Variants in HMCN1 observed in about 807,000 individuals in gnomAD.
HMCN1 encodes the protein hemicentin 1.
A neutral mutation model predicts 625.9 loss-of-function variants in HMCN1; 321 were observed. The ratio of observed to expected loss-of-function variants is 0.51; its 90% confidence interval spans 0.47 to 0.56. HMCN1 has a LOEUF of 0.56. Among genes scored for constraint, HMCN1 ranks in the 20% least tolerant of loss-of-function variants. The probability of loss-of-function intolerance (pLI) is 0.00; values close to 1 mark genes in which losing one functional copy is unlikely to be tolerated. For missense variants in HMCN1, 6,588 were observed against 6,887.3 expected, an observed-to-expected ratio of 0.96 and a Z score of 1.54; for synonymous variants, 2,425 against 2,417.6, an observed-to-expected ratio of 1.00 and a Z score of -0.09.
intron 30 of HMCN1, among the ~76,000 whole-genome samples, chr1:186,010,350 T>A (rs1407015357): frequency 6.6e-6 from 1 of 152,204 alleles, no homozygotes; most frequent in Non-Finnish European, 1.5e-5. Flanking sequence ...TGAATTAAAA[T>A]GGAAGAGGAA....
chr1:185,741,794 G>A (rs545885889), intron 1 of HMCN1, among the ~76,000 whole-genome samples: 65 of 152,332 alleles, frequency 4.3e-4, no homozygotes, highest in African/African-American at 1.4e-3. Context: ...TTTCACGGAG[G>A]AGATGGGAGT....
rs185108697 is a variant in HMCN1 at position 186,038,414 on chromosome 1, C to T, written c.5851+379C>T. On this transcript the variant is annotated intron_variant, in intron 37 of 106. Coordinates refer to ENST00000271588, the MANE Select transcript of HMCN1 (RefSeq NM_031935.3). The stretch of plus-strand genomic sequence containing the variant: ...AGACTACAACTTTGTTTTGTATATT[C>T]CCACCACTGGTAGATTATTCATATG... 5.6e-3 allele frequency among the ~76,000 whole-genome samples: 853 copies of T among 152,106 alleles called. 2 individuals are homozygous for T. The highest frequency in any genetic ancestry group is 9.4e-3 in the Non-Finnish European group (638 of 67,988).
intron 1 of HMCN1, among the ~76,000 whole-genome samples, chr1:185,775,752 A>T (rs1385381443): frequency 1.3e-5 from 2 of 152,220 alleles, no homozygotes; most frequent in African/African-American, 4.8e-5. Context: ...CCACTGACTA[A>T]GTATGTGCTT....
chr1:185,947,677 G>A (rs952834000), intron 11 of HMCN1, among the ~76,000 whole-genome samples: 8 of 152,020 alleles, frequency 5.3e-5, no homozygotes, highest in African/African-American at 1.7e-4. Flanking sequence ...TGTTTATTTT[G>A]GTTTGTTTGG....
intron 64 of HMCN1, among the ~76,000 whole-genome samples, chr1:186,092,151 C>G (rs1301643059): frequency 6.6e-6 from 1 of 151,714 alleles, no homozygotes; most frequent in South Asian, 2.1e-4. Flanking sequence ...CCTACATTAA[C>G]ATTCTAAATT....
At chr1:186,084,082 G>T (rs1330138444) in intron 57 of HMCN1, among the ~76,000 whole-genome samples, 1 of 152,086 alleles carries the variant, frequency 6.6e-6, no homozygotes, top group Non-Finnish European at 1.5e-5. Context: ...CTCTATGTCA[G>T]AAAAGCATCT....
intron 1 of HMCN1, among the ~76,000 whole-genome samples, chr1:185,816,246 C>T (rs1571394863): frequency 6.6e-6 from 1 of 152,302 alleles, no homozygotes; most frequent in East Asian, 1.9e-4. Flanking sequence ...ATGTGCTAGG[C>T]TGACTTTGTA....
intron 105 of HMCN1, among the ~76,000 whole-genome samples, chr1:186,183,355 C>G (rs931758396): frequency 7.9e-5 from 12 of 152,166 alleles, no homozygotes; most frequent in Non-Finnish European, 1.3e-4. Flanking sequence ...CCACCTCATC[C>G]CACACCACCC....
rs771936028 is a variant in HMCN1, at chr1:186,115,796, C to A, written c.11561+382C>A. 3.9e-4 allele frequency among the ~76,000 whole-genome samples: 58 copies of A among 150,484 alleles called. 1 individual carries two copies. Among genetic ancestry groups the A allele is most frequent in the Admixed American group, 1.7e-3 (25 of 15,116 alleles). Reference sequence around the variant, plus strand: ...GTAGAATAAAAGTCAAATTTTATACCTTAAAATACAATTTAGATATTGGCA... The same window carrying A: ...GTAGAATAAAAGTCAAATTTTATACATTAAAATACAATTTAGATATTGGCA... On this transcript the variant is annotated intron_variant, in intron 75 of 106. Coordinates refer to ENST00000271588, the MANE Select transcript of HMCN1 (RefSeq NM_031935.3).
Position 186,088,749 on chromosome 1 carries a change from A to C in HMCN1, c.9721A>C (p.Ile3241Leu). 1 of 1,606,824 alleles carries C rather than the reference A, an allele frequency of 6.2e-7. No individual in the cohort carries two copies. Among genetic ancestry groups the C allele is most frequent in the Non-Finnish European group, 8.5e-7 (1 of 1,175,268 alleles). The change falls in exon 63 of 107, where the codon ATT (isoleucine) becomes CTT (leucine). Residue 3241 changes from isoleucine to leucine, a missense_variant. Physicochemically the swap from Ile to Leu is conservative, Grantham distance 5. Transcript: ENST00000271588. The part of the protein sequence containing the change: ...GKAQKYYFLS[I>L]QVPPSVAGAE... ...AGCCCAGAAATATTACTTTCTTTCA[A>C]TTCAAGGTATGTATTGTCCACTATG... is the stretch of plus-strand genomic sequence containing the variant.
intron 30 of HMCN1, among the ~76,000 whole-genome samples, chr1:186,010,556 T>C (rs1464417575): frequency 6.6e-6 from 1 of 152,172 alleles, no homozygotes; most frequent in Non-Finnish European, 1.5e-5. Flanking sequence ...TGTTCTTGGT[T>C]TCATTAATAT....
chr1:186,171,255 C>G lies in HMCN1; in HGVS notation c.15575-82C>G, dbSNP rs1262724624. On this transcript the variant is annotated intron_variant, in intron 100 of 106. Transcript: ENST00000271588. ...AGAAGATCTTAAACATGGTAATGAT[C>G]AAGATCATTAAAATGTTAAACATTT... 4 of 1,003,196 alleles carry G rather than the reference C, an allele frequency of 4.0e-6. No homozygotes were observed. In the Admixed American group the frequency reaches 5.2e-5, roughly 13 times the overall value. 62.1% of individuals were successfully genotyped at this position (1,003,196 alleles called of 1,614,324 possible).
chr1:185,811,274 C>T (rs767087515), intron 1 of HMCN1, among the ~76,000 whole-genome samples: 6 of 152,060 alleles, frequency 3.9e-5, no homozygotes, highest in Non-Finnish European at 7.4e-5. Context: ...AAATGTGTGC[C>T]CTGCCCTCCA....
At chr1:185,795,859 C>T (rs1361692089) in intron 1 of HMCN1, among the ~76,000 whole-genome samples, 1 of 152,224 alleles carries the variant, frequency 6.6e-6, no homozygotes, top group Non-Finnish European at 1.5e-5. Flanking sequence ...AGGTCTAGCA[C>T]ATACTACATA....
chr1:185,762,104 T>G (rs1655551043), intron 1 of HMCN1, among the ~76,000 whole-genome samples: 1 of 152,156 alleles, frequency 6.6e-6, no homozygotes, highest in Admixed American at 6.5e-5. Flanking sequence ...AAAAAAGAGG[T>G]GAAAAGTATT....
At chr1:185,790,190 A>G (rs1325367115) in intron 1 of HMCN1, among the ~76,000 whole-genome samples, 1 of 152,202 alleles carries the variant, frequency 6.6e-6, no homozygotes, top group Non-Finnish European at 1.5e-5. Flanking sequence ...TAAAATATGC[A>G]TCTTTTCATT....
At chr1:186,163,560 C>A (rs769668405) in intron 97 of HMCN1, among the ~76,000 whole-genome samples, 9 of 152,108 alleles carry the variant, frequency 5.9e-5, no homozygotes, top group Admixed American at 1.3e-4. Flanking sequence ...GCTCCTCCCC[C>A]CAATTAAGCA....
intron 4 of HMCN1, among the ~76,000 whole-genome samples, chr1:185,896,423 A>T (rs1665495364): frequency 6.8e-6 from 1 of 147,948 alleles, no homozygotes; most frequent in African/African-American, 2.5e-5. Context: ...ACTCACGTGT[A>T]CACCCATATA....
chr1:185,929,861 T>C (rs138425370), intron 10 of HMCN1, among the ~76,000 whole-genome samples: 2 of 152,202 alleles, frequency 1.3e-5, no homozygotes, highest in Admixed American at 1.3e-4. Context: ...AAACTATTCA[T>C]TTTTTCATGT....
Sources: allele counts gnomAD v4.1 joint callset (sites outside exome capture counted in the v4.1 genomes callset), GRCh38; gene constraint gnomAD v4.1.1; transcripts MANE v1.5; gene names NCBI Gene and HGNC (gene_info 2026-07-23, HGNC 2026-07-21).